The following SMC5 variants were observed in gnomAD, a reference collection of about 807,000 sequenced individuals.
The protein encoded by SMC5 is structural maintenance of chromosomes 5, also known as structural maintenance of chromosomes protein 5.
Under a neutral mutation model 148.3 loss-of-function variants are expected in SMC5, and 88 were observed. The observed-to-expected ratio is 0.59, with a 90% CI of 0.50 to 0.71. The LOEUF (loss-of-function observed/expected upper bound fraction) is 0.71, where lower values mean the gene tolerates loss of function less well. Ranked by LOEUF, SMC5 falls within the 30% of genes least tolerant of loss-of-function variation. The probability of loss-of-function intolerance (pLI) is 0.00; values close to 1 mark genes in which losing one functional copy is unlikely to be tolerated. For missense variants in SMC5, 1,142 were observed against 1,298.9 expected (o/e 0.88, Z 1.86); for synonymous variants, 421 against 432.8 (o/e 0.97, Z 0.34).
rs1464648450 is a variant in SMC5, at chr9:70,264,295, A to G, written c.186-9A>G. On this transcript the variant is annotated splice_polypyrimidine_tract_variant and intron_variant, in intron 1 of 24. Coordinates refer to ENST00000361138, the MANE Select transcript of SMC5 (RefSeq NM_015110.4). ...CTCTCCTTAATAATTTCATCTCTTT[A>G]TAATTCAGAACATATGATATTTGTG... is the stretch of plus-strand genomic sequence containing the variant. 3 of 1,606,456 alleles carry G rather than the reference A, an allele frequency of 1.9e-6. No homozygotes were observed. Among genetic ancestry groups the G allele is most frequent in the Non-Finnish European group, 2.6e-6 (3 of 1,176,096 alleles).
chr9:70,339,239 C>A (rs1405648879), intron 17 of SMC5, among the ~76,000 whole-genome samples: 1 of 152,040 alleles, frequency 6.6e-6, no homozygotes. Context: ...ACCATCCTGG[C>A]TAACGTGGTG....
intron 17 of SMC5, among the ~76,000 whole-genome samples, chr9:70,329,959 G>A (rs1456297939): frequency 1.3e-5 from 2 of 152,110 alleles, no homozygotes; most frequent in Admixed American, 6.5e-5. Context: ...AGAGAAGGGG[G>A]AAGTGCTGCA....
intron 10 of SMC5, among the ~76,000 whole-genome samples, chr9:70,303,602 C>T (rs1228696048): frequency 2.6e-5 from 4 of 152,100 alleles, no homozygotes; most frequent in Non-Finnish European, 4.4e-5. Context: ...AACATTTATG[C>T]GACAAGCACT....
chr9:70,337,041 C>T (rs762407719), intron 17 of SMC5, among the ~76,000 whole-genome samples: 1 of 152,054 alleles, frequency 6.6e-6, no homozygotes, highest in Non-Finnish European at 1.5e-5. Flanking sequence ...CATCAGATCT[C>T]GTGAGACTTA....
chr9:70,339,640 A>AAT (rs2036464788), intron 17 of SMC5, among the ~76,000 whole-genome samples: 1 of 152,210 alleles, frequency 6.6e-6, no homozygotes, highest in Admixed American at 6.5e-5. Context: ...CCCTTTGAAC[A>AAT]CATGGCAGGT....
intron 8 of SMC5, among the ~76,000 whole-genome samples, chr9:70,287,024 T>C (rs1023882408): frequency 6.6e-6 from 1 of 152,152 alleles, no homozygotes; most frequent in African/African-American, 2.4e-5. Context: ...ACTGGAACTT[T>C]TTATTATATT....
chr9:70,338,621 C>T (rs1404303642), intron 17 of SMC5, among the ~76,000 whole-genome samples: 1 of 152,160 alleles, frequency 6.6e-6, no homozygotes, highest in African/African-American at 2.4e-5. Flanking sequence ...CTTCTAATGT[C>T]TACTTCCAAC....
chr9:70,327,878 C>T (rs2036120899), intron 17 of SMC5, among the ~76,000 whole-genome samples: 1 of 152,114 alleles, frequency 6.6e-6, no homozygotes, highest in Non-Finnish European at 1.5e-5. Context: ...GACTCCATTC[C>T]ACAGGCTGTA....
At chr9:70,324,498 CAGAAG>C (rs909120435) in intron 17 of SMC5, among the ~76,000 whole-genome samples, 8 of 152,118 alleles carry the variant, frequency 5.3e-5, no homozygotes, top group African/African-American at 1.9e-4. Flanking sequence ...TTCCCAAAAA[CAGAAG>C]AGAAGCTAGA....
At chr9:70,320,062 G>A (rs1241290588) in intron 15 of SMC5, among the ~76,000 whole-genome samples, 2 of 152,140 alleles carry the variant, frequency 1.3e-5, no homozygotes, top group African/African-American at 4.8e-5. Context: ...GCCAAGTCCA[G>A]ATAATTATAG....
intron 17 of SMC5, among the ~76,000 whole-genome samples, chr9:70,341,986 A>C (rs1401659190): frequency 6.7e-6 from 1 of 149,234 alleles, no homozygotes; most frequent in Non-Finnish European, 1.5e-5. Context: ...CTTGGAACCA[A>C]CCCAAATGTC....
intron 8 of SMC5, among the ~76,000 whole-genome samples, chr9:70,297,566 A>C (rs1267452742): frequency 6.6e-6 from 1 of 152,186 alleles, no homozygotes. Flanking sequence ...GGTGACTTGT[A>C]ATCTTTATTA....
chr9:70,272,477 A>G (rs1189175209), intron 3 of SMC5, among the ~76,000 whole-genome samples: 1 of 152,100 alleles, frequency 6.6e-6, no homozygotes, highest in Non-Finnish European at 1.5e-5. Flanking sequence ...GCACTTAGGG[A>G]GGCAGAGGCG....
intron 17 of SMC5, among the ~76,000 whole-genome samples, chr9:70,325,848 G>T (rs1053824103): frequency 2.6e-5 from 4 of 151,982 alleles, no homozygotes; most frequent in Admixed American, 2.0e-4. Context: ...TTATAGTAGG[G>T]AGCCAATAGA....
intron 2 of SMC5, among the ~76,000 whole-genome samples, chr9:70,264,883 A>G (rs1225012371): frequency 1.3e-5 from 2 of 152,184 alleles, no homozygotes; most frequent in Non-Finnish European, 2.9e-5. Flanking sequence ...CACTTAGGCT[A>G]TATGGTGTAG....
At chr9:70,294,486 GT>G (rs1326899642) in intron 8 of SMC5, among the ~76,000 whole-genome samples, 2 of 152,194 alleles carry the variant, frequency 1.3e-5, no homozygotes, top group African/African-American at 4.8e-5. Context: ...TTCCAAGGGA[GT>G]GGTTATAGCG....
intron 24 of SMC5, 119 bp from the exon 25 acceptor site, chr9:70,352,070 GAA>G: frequency 1.1e-6 from 1 of 905,272 alleles, no homozygotes. Flanking sequence ...AGCAGAGTGG[GAA>G]AAAAAAAGTT....
intron 1 of SMC5, among the ~76,000 whole-genome samples, chr9:70,263,556 A>C (rs757856276): frequency 1.1e-4 from 17 of 152,222 alleles, no homozygotes; most frequent in Non-Finnish European, 1.8e-4. Flanking sequence ...GAGTTAAAAG[A>C]ATGTCTGAGT....
chr9:70,317,035 A>G (rs990758460), intron 13 of SMC5, among the ~76,000 whole-genome samples: 8 of 152,212 alleles, frequency 5.3e-5, no homozygotes, highest in African/African-American at 1.9e-4. Context: ...ATTTATGATG[A>G]TATACTTTTC....
Sources: gnomAD v4.1 joint callset for allele counts (sites outside exome capture counted in the v4.1 genomes callset) on GRCh38, gnomAD v4.1.1 for gene constraint, MANE v1.5 for transcripts, NCBI Gene and HGNC (gene_info 2026-07-23, HGNC 2026-07-21) for gene names.